Variants in DCAF12 observed in about 807,000 individuals in gnomAD.
DCAF12 encodes the protein DDB1- and CUL4-associated factor 12.
Under a neutral mutation model 52.8 loss-of-function variants are expected in DCAF12, and 28 were observed. That is an observed-to-expected ratio of 0.53 (90% confidence interval 0.39 to 0.73). The LOEUF is 0.73. Ranked by LOEUF, DCAF12 falls within the 30% of genes least tolerant of loss-of-function variation. The pLI is 0.00. For synonymous variants in DCAF12, 196 were observed against 215.5 expected (o/e 0.91, Z 0.79); for missense variants, 425 against 552.2 (o/e 0.77, Z 2.31).
At chr9:34,117,316 A>G (rs1233468062) in intron 2 of DCAF12, among the ~76,000 whole-genome samples, 2 of 145,902 alleles carry the variant, frequency 1.4e-5, no homozygotes, top group African/African-American at 5.1e-5. Flanking sequence ...ACGCCCGGCT[A>G]ATTTTTTGTA....
chr9:34,097,190 A>C (rs1010303435), intron 5 of DCAF12, among the ~76,000 whole-genome samples: 1 of 151,800 alleles, frequency 6.6e-6, no homozygotes, highest in African/African-American at 2.4e-5. Flanking sequence ...ACTACCCTTC[A>C]AACTGTGGCC....
intron 2 of DCAF12, among the ~76,000 whole-genome samples, chr9:34,123,759 C>A (rs545484028): frequency 6.6e-6 from 1 of 152,040 alleles, no homozygotes; most frequent in Non-Finnish European, 1.5e-5. Context: ...CTATGATGCA[C>A]GTGCGGGGAG....
At chr9:34,108,980 G>A (rs868285023) in intron 2 of DCAF12, among the ~76,000 whole-genome samples, 1 of 47,814 alleles carries the variant, frequency 2.1e-5, no homozygotes, top group African/African-American at 6.5e-5. Context: ...TTATGTATAT[G>A]TTTTTATATA....
chr9:34,125,190 T>C lies in DCAF12; in HGVS notation c.166A>G (p.Arg56Gly), dbSNP rs1563865126. ...LVYYLKNREVRLQNETSYSRV... is the reference protein window; with the variant it reads ...LVYYLKNREVGLQNETSYSRV... ...GAGTAGCTGGTTTCATTCTGTAGCC[T>C]GACTTCCCGGTTCTTCAAGTAGTAT... Residue 56 changes from arginine to glycine, a missense_variant, in exon 2 of 9, where the codon AGG becomes GGG. By Grantham distance (125) the Arg-to-Gly change is moderately radical (BLOSUM62 -2). This residue lies in a region of DCAF12 where 89 missense variants were observed against 84.9 expected (regional missense o/e 1.05). Coordinates refer to ENST00000361264, the MANE Select transcript of DCAF12 (RefSeq NM_015397.4). 6 of 1,614,218 alleles carry C rather than the reference T, an allele frequency of 3.7e-6. No homozygotes were observed. The highest frequency in any genetic ancestry group is 5.1e-6 in the Non-Finnish European group (6 of 1,180,046).
intron 8 of DCAF12, among the ~76,000 whole-genome samples, chr9:34,088,847 T>C (rs1269522149): frequency 2.6e-5 from 4 of 152,160 alleles, no homozygotes; most frequent in African/African-American, 9.6e-5. Flanking sequence ...CAGTGGTTCA[T>C]GGCTGTAATC....
At chr9:34,110,200 A>T (rs1387776578) in intron 2 of DCAF12, among the ~76,000 whole-genome samples, 1 of 152,118 alleles carries the variant, frequency 6.6e-6, no homozygotes, top group Non-Finnish European at 1.5e-5. Flanking sequence ...ATCATTGCTG[A>T]TGCATCCCAC....
intron 2 of DCAF12, among the ~76,000 whole-genome samples, chr9:34,114,094 C>T (rs1044573482): frequency 1.4e-5 from 2 of 144,902 alleles, no homozygotes; most frequent in African/African-American, 5.0e-5. Context: ...GGCGACAGGG[C>T]AAATACTCCG....
At chr9:34,123,767 G>A (rs1300008524) in intron 2 of DCAF12, among the ~76,000 whole-genome samples, 1 of 152,088 alleles carries the variant, frequency 6.6e-6, no homozygotes, top group Non-Finnish European at 1.5e-5. Context: ...CACGTGCGGG[G>A]AGTGGAATGA....
chr9:34,095,024 T>C (rs185020916), intron 6 of DCAF12, among the ~76,000 whole-genome samples: 7 of 152,296 alleles, frequency 4.6e-5, no homozygotes, highest in Admixed American at 4.6e-4. Context: ...AGGTGTCCCA[T>C]GTGAAATTTT....
chr9:34,090,461 T>A (rs770108484), intron 7 of DCAF12, among the ~76,000 whole-genome samples: 2 of 152,118 alleles, frequency 1.3e-5, no homozygotes, highest in South Asian at 4.1e-4. Flanking sequence ...TGTAATTACT[T>A]TAGATCACAA....
chr9:34,091,979 G>A (rs1828652383), intron 7 of DCAF12, among the ~76,000 whole-genome samples: 1 of 152,066 alleles, frequency 6.6e-6, no homozygotes, highest in Admixed American at 6.6e-5. Context: ...AGGGTTCTTG[G>A]TATGATGAAA....
At chr9:34,094,780 T>C (rs1019593766) in intron 6 of DCAF12, among the ~76,000 whole-genome samples, 3 of 152,036 alleles carry the variant, frequency 2.0e-5, no homozygotes, top group African/African-American at 7.2e-5. Flanking sequence ...TCCGCCCACC[T>C]TGGCCTCCCA....
At chr9:34,121,720 G>A (rs1445994858) in intron 2 of DCAF12, among the ~76,000 whole-genome samples, 13 of 152,180 alleles carry the variant, frequency 8.5e-5, no homozygotes, top group African/African-American at 3.1e-4. Context: ...CAAGGCAGGC[G>A]GATCACGAGG....
At chr9:34,092,779 A>T (rs10971906) in intron 7 of DCAF12, among the ~76,000 whole-genome samples, 46,422 of 152,118 alleles carry the variant, frequency 0.31, 7,562 homozygotes, top group Non-Finnish European at 0.36. Flanking sequence ...CTCCCAACAA[A>T]GGCTTCTGTG....
chr9:34,115,452 G>GCA (rs1386551381), intron 2 of DCAF12, among the ~76,000 whole-genome samples: 7 of 24,312 alleles, frequency 2.9e-4, no homozygotes, highest in Non-Finnish European at 5.1e-4. Flanking sequence ...TTAGCCGGGC[G>GCA]GCTGGGCATG....
chr9:34,112,029 G>C lies in DCAF12; in HGVS notation c.334-4464C>G, dbSNP rs532957787. Among the ~76,000 whole-genome samples, 44 of 151,884 alleles carry C rather than the reference G, an allele frequency of 2.9e-4. 1 individual carries two copies. Among genetic ancestry groups the C allele is most frequent in the African/African-American group, 9.9e-4 (41 of 41,414 alleles). On this transcript the variant is annotated intron_variant, in intron 2 of 8. Coordinates refer to ENST00000361264, the MANE Select transcript of DCAF12 (RefSeq NM_015397.4). Reference sequence around the variant, plus strand: ...GTGGTGGCGGGCGCCTGTAATCCCAGCTACTCGGGAGGCTGAGACAGGAGA... The same window carrying C: ...GTGGTGGCGGGCGCCTGTAATCCCACCTACTCGGGAGGCTGAGACAGGAGA...
chr9:34,088,560 A>G, intron 8 of DCAF12, 52 bp from the exon 9 acceptor site: 1 of 1,602,494 alleles, frequency 6.2e-7, no homozygotes, highest in Non-Finnish European at 8.5e-7. Flanking sequence ...TGGGGCAGGA[A>G]AAGGGGGAGG....
At chr9:34,089,349 A>T in intron 8 of DCAF12, 63 bp downstream of exon 8, 1 of 1,493,816 alleles carries the variant, frequency 6.7e-7, no homozygotes, top group East Asian at 2.3e-5. Context: ...GGGGGCTGAG[A>T]GATAGAGGAA....
rs73491042 is a variant in DCAF12 at position 34,089,352 on chromosome 9, T to G, written c.1203+60A>C. ...TGGTGTGTCAGTGGGGGCTGAGAGA[T>G]AGAGGAAGATAATTTTTCTGTTACT... On this transcript the variant is annotated intron_variant, in intron 8 of 8. Coordinates refer to ENST00000361264, the MANE Select transcript of DCAF12 (RefSeq NM_015397.4). 30 of 1,504,310 alleles carry G rather than the reference T, an allele frequency of 2.0e-5. No individual in the cohort carries two copies. In the South Asian group the frequency reaches 3.2e-4, roughly 16 times the overall value. 93.2% of individuals were successfully genotyped at this position (1,504,310 alleles called of 1,614,324 possible).
Sources: gnomAD v4.1 joint callset for allele counts (sites outside exome capture counted in the v4.1 genomes callset) on GRCh38, gnomAD v4.1.1 for gene constraint, gnomAD v4.1.1 regional missense constraint, MANE v1.5 for transcripts, NCBI Gene and HGNC (gene_info 2026-07-23, HGNC 2026-07-21) for gene names.